The following FKBP15 variants were observed in gnomAD, a reference collection of about 807,000 sequenced individuals.
FKBP15 encodes FKBP prolyl isomerase family member 15, also known as FK506-binding protein 15.
In FKBP15, 106 loss-of-function variants were observed where a neutral mutation model predicts 158.1. The observed-to-expected ratio is 0.67, with a 90% confidence interval of 0.57 to 0.79. FKBP15 has a LOEUF of 0.79. Among genes scored for constraint, FKBP15 ranks in the 30% least tolerant of loss-of-function variants. FKBP15 has a pLI of 0.00. For missense variants in FKBP15, 1,287 were observed against 1,479.1 expected (o/e 0.87, Z 2.13); for synonymous variants, 547 against 548.6 (o/e 1.00, Z 0.04).
Position 113,184,275 on chromosome 9 carries a change from T to C in FKBP15, c.1716+17A>G. On this transcript the variant is annotated intron_variant, in intron 17 of 27. Transcript: ENST00000238256. The surrounding 1 kb of genome is among the most constrained non-coding windows in gnomAD (Gnocchi z 4.5). ...TAAGACCTTCAGCCTGAGTGGTATG[T>C]TCTTAATCACCCTCACCTGAATGAT... 2.6e-6 allele frequency: 4 copies of C among 1,554,746 alleles called. No individual in the cohort carries two copies. Among genetic ancestry groups the C allele is most frequent in the Non-Finnish European group, 2.6e-6 (3 of 1,139,320 alleles).
intron 26 of FKBP15, among the ~76,000 whole-genome samples, chr9:113,168,976 A>G (rs1417492900): frequency 7.4e-4 from 44 of 59,100 alleles, no homozygotes; most frequent in Middle Eastern, 8.9e-3. Context: ...CACAGGGCCC[A>G]CCACACTACC....
intron 2 of FKBP15, among the ~76,000 whole-genome samples, chr9:113,211,202 C>T (rs1267339282): frequency 6.6e-6 from 1 of 152,214 alleles, no homozygotes; most frequent in Non-Finnish European, 1.5e-5. Context: ...CAGAGTCTCG[C>T]TCTGTTGCCC....
chr9:113,169,872 T>C lies in FKBP15; in HGVS notation c.2837A>G (p.Glu946Gly). The C allele has an allele frequency of 1.9e-6, 3 of 1,544,250 alleles. No individual in the cohort carries two copies. In the East Asian group the frequency reaches 7.3e-5, roughly 38 times the overall value. Residue 946 changes from glutamate to glycine, a missense_variant, in exon 26 of 28, where the codon GAA becomes GGA. Coordinates refer to ENST00000238256, the MANE Select transcript of FKBP15 (RefSeq NM_015258.2). ...TCTTCGTGGCCGCTCTTCTGCTTTT[T>C]CTTCTTCTTCTTCACTGCTGCTCTC... Reference protein sequence around the residue: ...KEESSSEEEEEKAEERPRRPS... With the variant: ...KEESSSEEEEGKAEERPRRPS...
Position 113,173,582 on chromosome 9 carries a change from T to C in FKBP15, c.2403A>G (p.Leu801=), listed in dbSNP as rs900430302. The C allele has an allele frequency of 6.2e-7, 1 of 1,613,926 alleles. No individual in the cohort carries two copies. Among genetic ancestry groups the C allele is most frequent in the African/African-American group, 1.3e-5 (1 of 75,050 alleles). The part of the protein sequence containing the change: ...AEQLSLVQAE[L]QTQWEAKCEH... ...CACATTTTGCTTCCCACTGGGTCTG[T>C]AGCTCAGCCTGTACTAAAGACAGCT... Residue 801 remains leucine, a synonymous_variant, in exon 23 of 28, where the codon CTA becomes CTG. Transcript: ENST00000238256.
Position 113,161,936 on chromosome 9 carries a change from G to C in FKBP15, c.*4142C>G. 6.4e-6 allele frequency: 4 copies of C among 624,510 alleles called. No individual in the cohort carries two copies. Among genetic ancestry groups the C allele is most frequent in the Non-Finnish European group, 1.2e-5 (4 of 347,652 alleles). The allele number at this position is 624,510 out of a possible 1,614,324, so 38.7% of individuals were successfully genotyped here. A position where few individuals can be genotyped will look rare whatever the true frequency, so the allele number is the denominator to read the frequency against. On this transcript the variant is annotated 3_prime_UTR_variant, in exon 28 of 28. Transcript: ENST00000238256. The stretch of plus-strand genomic sequence containing the variant: ...GAGAGGCTCAGAAGGCTTTCTTTAG[G>C]GAACAGTGATCTTCAGGTGCAGGCC...
chr9:113,198,898 T>A lies in FKBP15; in HGVS notation c.674A>T (p.Asp225Val). The stretch of plus-strand genomic sequence containing the variant: ...TCCTAACTTCAAGCGAAGCAACTTA[T>A]CTTTGTTAGCAGTGGAGTCGAAAAC... ...GQVFDSTANK[D>V]KLLRLKLGSG... is the part of the protein sequence containing the mutation. Residue 225 changes from aspartate (D) to valine (V), a missense_variant, in exon 8 of 28, where the codon GAT (aspartate) becomes GTT (valine). Physicochemically the swap from Asp to Val is radical, Grantham distance 152. Transcript: ENST00000238256. The surrounding 1 kb of genome is among the most constrained non-coding windows in gnomAD (Gnocchi z 5.2). 6.2e-7 allele frequency: 1 copy of A among 1,605,684 alleles called. No individual in the cohort carries two copies. Among genetic ancestry groups the A allele is most frequent in the Non-Finnish European group, 8.5e-7 (1 of 1,175,722 alleles).
chr9:113,199,994 T>G lies in FKBP15; in HGVS notation c.499-31A>C, dbSNP rs76878726. The G allele has an allele frequency of 3.3e-3, 5,227 of 1,596,506 alleles. 156 individuals are homozygous for G. The African/African-American group carries it at 0.062, about 19-fold the overall frequency. The stretch of plus-strand genomic sequence containing the variant: ...AGACAAAATCAAAGCAGCATAAATG[T>G]AGTTTAAGCTCAATAAGTACTCATT... On this transcript the variant is annotated intron_variant, in intron 6 of 27. Transcript: ENST00000238256.
intron 9 of FKBP15, among the ~76,000 whole-genome samples, chr9:113,196,381 CTT>C (rs71384299): frequency 0.32 from 32,133 of 101,196 alleles, 2,923 homozygotes; most frequent in East Asian, 0.34. Flanking sequence ...GAAGAAGTGA[CTT>C]TTTTTTTTTT....
intron 21 of FKBP15, among the ~76,000 whole-genome samples, 157 bp from the exon 22 acceptor site, chr9:113,174,740 C>T (rs1387636970): frequency 6.6e-6 from 1 of 152,122 alleles, no homozygotes; most frequent in Non-Finnish European, 1.5e-5. Context: ...ACATTCTTGG[C>T]TACTGGGTGA....
intron 1 of FKBP15, among the ~76,000 whole-genome samples, chr9:113,220,871 T>G (rs1460891738): frequency 6.6e-6 from 1 of 152,216 alleles, no homozygotes; most frequent in Non-Finnish European, 1.5e-5. Context: ...CAGCCCCAGC[T>G]GACTCCTATA....
rs1164112354 is a variant in FKBP15 at position 113,166,129 on chromosome 9, C to T, written c.3609G>A (p.Thr1203=). The T allele has an allele frequency of 8.1e-6, 13 of 1,613,448 alleles. No individual in the cohort carries two copies. Among genetic ancestry groups the T allele is most frequent in the East Asian group, 6.7e-5 (3 of 44,888 alleles). ...EVSMKGRPPP[T]PLFGDDDDDD... ...CATCATCATCATCTCCAAAAAGGGG[C>T]GTTGGGGGCGGGCGTCCCTTCATGC... The change falls in exon 28 of 28, where the codon ACG becomes ACA. Residue 1203 remains threonine, a synonymous_variant. Coordinates refer to ENST00000238256, the MANE Select transcript of FKBP15 (RefSeq NM_015258.2).
chr9:113,168,390 TCTC>T lies in FKBP15; in HGVS notation c.3582+67_3582+69del. The T allele has an allele frequency of 3.0e-6, 4 of 1,342,354 alleles. No homozygotes were observed. The South Asian group carries it at 3.6e-5, about 12-fold the overall frequency. 83.2% of individuals were successfully genotyped at this position (1,342,354 alleles called of 1,614,324 possible). ...GGCCACCAACAGGCTCCATTTCTCT[TCTC>T]AGAGCCAGTAGGGAAGAGCCCCCAG... On this transcript the variant is annotated intron_variant, in intron 27 of 27. Transcript: ENST00000238256.
rs576298602 is a variant in FKBP15, at chr9:113,217,134, C to T, written c.53+4057G>A. Among the ~76,000 whole-genome samples the T allele has an allele frequency of 3.1e-4, 47 of 150,938 alleles. 1 individual carries two copies. In the South Asian group the frequency reaches 8.8e-3, roughly 28 times the overall value. On this transcript the variant is annotated intron_variant, in intron 1 of 27. Coordinates refer to ENST00000238256, the MANE Select transcript of FKBP15 (RefSeq NM_015258.2). ...GGCCAGGCTGGTCTTGCACTCCTGACCTCAGGTGATCCACCTGCCTCAGCC... is the reference window on the plus strand; with the variant it reads ...GGCCAGGCTGGTCTTGCACTCCTGATCTCAGGTGATCCACCTGCCTCAGCC...
rs1485126536 is a variant in FKBP15, at chr9:113,176,538, T to G, written c.2222A>C (p.Lys741Thr). The G allele has an allele frequency of 3.2e-6, 5 of 1,553,632 alleles. No individual in the cohort carries two copies. The East Asian group carries it at 1.2e-4, about 38-fold the overall frequency. Reference sequence around the variant, plus strand: ...GGCCAACTGGGTTGTAGAGCTTACCTTTTCCAAGGACTCCTTCTCAACTCG... The same window carrying G: ...GGCCAACTGGGTTGTAGAGCTTACCGTTTCCAAGGACTCCTTCTCAACTCG... ...DLRVEKESLE[K>T]NLSERKKKSA... Residue 741 changes from lysine to threonine, a missense_variant and splice_region_variant, in exon 21 of 28, where the codon AAG becomes ACG. Transcript: ENST00000238256.
chr9:113,191,761 C>T (rs1830579899), intron 11 of FKBP15, among the ~76,000 whole-genome samples: 1 of 150,982 alleles, frequency 6.6e-6, no homozygotes, highest in Non-Finnish European at 1.5e-5. Flanking sequence ...TACTTGTGTG[C>T]ACCTGCATAA....
At chr9:113,202,703 A>G in intron 5 of FKBP15, 74 bp from the exon 6 acceptor site, 2 of 1,220,822 alleles carry the variant, frequency 1.6e-6, no homozygotes, top group East Asian at 5.2e-5. Context: ...CTAAGCTCAT[A>G]GAGTAGGGTC....
In FKBP15 at chr9:113,165,809, G is replaced by T; in HGVS notation, c.*269C>A. On this transcript the variant is annotated 3_prime_UTR_variant, in exon 28 of 28. Coordinates refer to ENST00000238256, the MANE Select transcript of FKBP15 (RefSeq NM_015258.2). ...CTGGCAGAGGACAGGACTCTTACAG[G>T]TGACTGGCTTGGAGGGGAACCTACC... The T allele has an allele frequency of 2.6e-6, 1 of 381,848 alleles. No individual in the cohort carries two copies. The highest frequency in any genetic ancestry group is 4.9e-6 in the Non-Finnish European group (1 of 202,102). 23.7% of individuals were successfully genotyped at this position (381,848 alleles called of 1,614,324 possible).
intron 15 of FKBP15, 97 bp downstream of exon 15, chr9:113,186,152 T>A (rs551584648): frequency 1.3e-6 from 1 of 760,634 alleles, no homozygotes; most frequent in South Asian, 1.6e-5. Context: ...GAAGAAACAA[T>A]GAGTAGAGAG....
At chr9:113,182,738 T>A in intron 19 of FKBP15, 28 bp downstream of exon 19, 1 of 1,586,260 alleles carries the variant, frequency 6.3e-7, no homozygotes, top group East Asian at 2.2e-5. Flanking sequence ...CATCCTGACC[T>A]GGGCTTTTCT....
Sources: allele counts gnomAD v4.1 joint callset (sites outside exome capture counted in the v4.1 genomes callset), GRCh38; gene constraint gnomAD v4.1.1; non-coding constraint Gnocchi (gnomAD v3.1); transcripts MANE v1.5; gene names NCBI Gene and HGNC (gene_info 2026-07-23, HGNC 2026-07-21).